Variants in DNAH5 observed in about 807,000 individuals in gnomAD.
The protein encoded by DNAH5 is dynein axonemal heavy chain 5.
Under a neutral mutation model 518.2 loss-of-function variants are expected in DNAH5, and 372 were observed. The ratio of observed to expected loss-of-function variants is 0.72; its 90% CI spans 0.66 to 0.78. DNAH5 has a LOEUF of 0.78. Ranked by LOEUF, DNAH5 falls within the 30% of genes least tolerant of loss-of-function variation. The pLI, the probability that DNAH5 is intolerant of heterozygous loss-of-function variation, is 0.00. For missense variants in DNAH5, 5,523 were observed against 5,687.0 expected, an observed-to-expected ratio of 0.97 and a Z score of 0.93; for synonymous variants, 2,039 against 2,025.9, an observed-to-expected ratio of 1.01 and a Z score of -0.17.
At chr5:13,792,276 G>T (rs1045068727) in intron 49 of DNAH5, 59 bp from the exon 50 acceptor site, 1 of 1,477,452 alleles carries the variant, frequency 6.8e-7, no homozygotes. Flanking sequence ...AAATGAAAAT[G>T]AAAAGCATTA....
intron 1 of DNAH5, among the ~76,000 whole-genome samples, chr5:13,988,197 T>C (rs1346980245): frequency 1.3e-5 from 2 of 152,220 alleles, no homozygotes; most frequent in Non-Finnish European, 2.9e-5. Context: ...CGTAGTATCA[T>C]AGATAAAATA....
Position 13,753,390 on chromosome 5 carries a change from G to C in DNAH5, c.10715C>G (p.Thr3572Ser). The C allele has an allele frequency of 1.9e-6, 3 of 1,613,946 alleles. No homozygotes were observed. The highest frequency in any genetic ancestry group is 2.5e-6 in the Non-Finnish European group (3 of 1,179,860). ...ACCTTGGAGGTTCCATTCACTAATA[G>C]TAGGAGCATCAATCAACATCTCACT... Reference protein sequence around the residue: ...NLSEMLIDAPTISEWNLQGLP... With the variant: ...NLSEMLIDAPSISEWNLQGLP... The change falls in exon 63 of 79, where the codon ACT becomes AGT. Residue 3572 changes from threonine (T) to serine (S), a missense_variant. Coordinates refer to ENST00000265104, the MANE Select transcript of DNAH5 (RefSeq NM_001369.3).
chr5:13,922,045 C>G, intron 5 of DNAH5, 62 bp downstream of exon 5: 1 of 1,544,324 alleles, frequency 6.5e-7, no homozygotes, highest in Non-Finnish European at 8.9e-7. Flanking sequence ...GCATTACACA[C>G]TTATGTACTG....
chr5:13,787,891 A>T (rs1398251812), intron 51 of DNAH5, among the ~76,000 whole-genome samples: 2 of 152,220 alleles, frequency 1.3e-5, no homozygotes, highest in Non-Finnish European at 2.9e-5. Context: ...AGCACTGCCT[A>T]GTCATTTCCA....
At chr5:13,748,193 G>A (rs1205333796) in intron 65 of DNAH5, among the ~76,000 whole-genome samples, 3 of 152,104 alleles carry the variant, frequency 2.0e-5, no homozygotes, top group Non-Finnish European at 4.4e-5. Flanking sequence ...AGTTGTAGAT[G>A]TGTGGTATTA....
rs578088810 is a variant in DNAH5, at chr5:13,787,735, A to G, written c.8647+981T>C. ...GCCCTTACTCTTACAGGATTTTTGT[A>G]TGTGTTTGACCTGATTAAAATAAAA... On this transcript the variant is annotated intron_variant, in intron 51 of 78. Transcript: ENST00000265104. 8.5e-4 allele frequency among the ~76,000 whole-genome samples: 129 copies of G among 152,244 alleles called. 1 individual carries two copies. Among genetic ancestry groups the G allele is most frequent in the African/African-American group, 2.9e-3 (121 of 41,556 alleles).
upstream of DNAH5, among the ~76,000 whole-genome samples, chr5:13,948,305 G>A (rs1290091426): frequency 6.6e-6 from 1 of 152,086 alleles, no homozygotes; most frequent in Admixed American, 6.5e-5. Context: ...ATGGATGCAT[G>A]GGGGTGATGT....
rs1219240598 is a variant in DNAH5 at position 13,842,408 on chromosome 5, G to GAAAGA, written c.5272-509_5272-505dup. On this transcript the variant is annotated intron_variant, in intron 32 of 78. Transcript: ENST00000265104. ...AAAAAGAAAGAAAGAAACAGAGCGA[G>GAAAGA]AAAGAAAAGAAAAGAAAAGAAAGAA... 5.2e-3 allele frequency among the ~76,000 whole-genome samples: 459 copies of GAAAGA among 88,768 alleles called. 13 individuals are homozygous for GAAAGA. The highest frequency in any genetic ancestry group is 0.012 in the Middle Eastern group (2 of 166). 58.2% of individuals were successfully genotyped at this position (88,768 alleles called of 152,430 possible).
chr5:13,826,875 C>G (rs978873700), intron 38 of DNAH5, among the ~76,000 whole-genome samples: 23 of 152,172 alleles, frequency 1.5e-4, no homozygotes, highest in African/African-American at 5.1e-4. Context: ...AAGTTTGGAA[C>G]TTCCTAGAGA....
Position 13,708,322 on chromosome 5 carries a change from A to G in DNAH5, c.13139T>C (p.Leu4380Pro), listed in dbSNP as rs1452546620. ...AGGCTGGAATGGCCCCATCTTCTGC[A>G]GCCTCTCTTTTACCTGCCATGGAGA... ...DYVPFEVKERLQKMGPFQPMN... is the reference protein window; with the variant it reads ...DYVPFEVKERPQKMGPFQPMN... Residue 4380 changes from leucine to proline, a missense_variant, in exon 76 of 79, where the codon CTG becomes CCG. Physicochemically the swap from Leu to Pro is moderately conservative, Grantham distance 98. Around this residue, in one of 3 missense-constraint regions of DNAH5, gnomAD observed 387 missense variants for 430.0 expected, o/e 0.90. Coordinates refer to ENST00000265104, the MANE Select transcript of DNAH5 (RefSeq NM_001369.3). The G allele has an allele frequency of 6.2e-7, 1 of 1,614,072 alleles. No homozygotes were observed. Among genetic ancestry groups the G allele is most frequent in the Non-Finnish European group, 8.5e-7 (1 of 1,180,008 alleles).
At chr5:13,941,299 A>G (rs1779438009) in intron 1 of DNAH5, among the ~76,000 whole-genome samples, 1 of 152,212 alleles carries the variant, frequency 6.6e-6, no homozygotes, top group Non-Finnish European at 1.5e-5. Context: ...TCTAGGCTGC[A>G]GTGAGCTACG....
At chr5:13,876,948 T>A (rs1770982267) in intron 21 of DNAH5, 131 bp from the exon 22 acceptor site, 1 of 934,804 alleles carries the variant, frequency 1.1e-6, no homozygotes, top group African/African-American at 1.7e-5. Context: ...ACAATGAAAA[T>A]AATGGAAAGA....
intron 78 of DNAH5, among the ~76,000 whole-genome samples, chr5:13,696,350 T>C (rs1741389950): frequency 6.6e-6 from 1 of 152,200 alleles, no homozygotes; most frequent in Non-Finnish European, 1.5e-5. Context: ...ATAGAGGATC[T>C]AGACAGTGTG....
At position 13,905,272 on chromosome 5, in the gene DNAH5, T is replaced by G. The variant is rs116776817; in HGVS notation, c.1645-3134A>C. On this transcript the variant is annotated intron_variant, in intron 12 of 78. Transcript: ENST00000265104. ...TGATGATATTAAGAGGTGGCACCACTAAGAGGTTATTAGGCCCTGAGGGTT... is the reference window on the plus strand; with the variant it reads ...TGATGATATTAAGAGGTGGCACCACGAAGAGGTTATTAGGCCCTGAGGGTT... Among the ~76,000 whole-genome samples, 977 of 152,328 alleles carry G rather than the reference T, an allele frequency of 6.4e-3. 6 individuals carry two copies. The highest frequency in any genetic ancestry group is 0.01 in the Admixed American group (155 of 15,302).
chr5:13,733,853 C>G (rs890940233), intron 68 of DNAH5, among the ~76,000 whole-genome samples: 13 of 152,078 alleles, frequency 8.5e-5, no homozygotes, highest in Non-Finnish European at 1.9e-4. Flanking sequence ...TTCAAGTTCT[C>G]CTACAAACCT....
At chr5:13,738,599 C>T (rs1747930756) in intron 65 of DNAH5, among the ~76,000 whole-genome samples, 1 of 152,126 alleles carries the variant, frequency 6.6e-6, no homozygotes, top group African/African-American at 2.4e-5. Flanking sequence ...CCTTTTCTTC[C>T]TCTTGGCAGC....
Position 13,844,854 on chromosome 5 carries a change from C to G in DNAH5, c.5254G>C (p.Val1752Leu). 1 of 1,614,150 alleles carries G rather than the reference C, an allele frequency of 6.2e-7. No homozygotes were observed. The highest frequency in any genetic ancestry group is 8.5e-7 in the Non-Finnish European group (1 of 1,180,034). ...AGGCGAACCTTTTCGTGGAACTTGA[C>G]AGATTTAATGTTGTCAAACACATTC... ...LLNVFDNIKS[V>L]KFHEKIYDRI... The change falls in exon 32 of 79, where the codon GTC becomes CTC. Residue 1752 changes from valine (V) to leucine (L), a missense_variant. By Grantham distance (32) the Val-to-Leu change is conservative. Coordinates refer to ENST00000265104, the MANE Select transcript of DNAH5 (RefSeq NM_001369.3).
At chr5:13,981,639 C>T (rs1782679788) in intron 1 of DNAH5, among the ~76,000 whole-genome samples, 1 of 152,196 alleles carries the variant, frequency 6.6e-6, no homozygotes, top group African/African-American at 2.4e-5. Flanking sequence ...AGGACAGCCC[C>T]TAAGAGGGAG....
intron 41 of DNAH5, 27 bp downstream of exon 41, chr5:13,820,319 C>T (rs371052389): frequency 6.5e-5 from 105 of 1,604,012 alleles, no homozygotes; most frequent in Non-Finnish European, 8.8e-5. Context: ...TGGGCCACCC[C>T]AGGCATTGAC....
Sources: allele counts gnomAD v4.1 joint callset (sites outside exome capture counted in the v4.1 genomes callset), GRCh38; gene constraint gnomAD v4.1.1; regional missense constraint gnomAD v4.1.1; transcripts MANE v1.5; gene names NCBI Gene and HGNC (gene_info 2026-07-23, HGNC 2026-07-21).